The following FAN1 variants were observed in gnomAD, a reference collection of about 807,000 sequenced individuals.
The protein encoded by FAN1 is FANCD2 and FANCI associated nuclease 1.
In FAN1, 91 loss-of-function variants were observed where a neutral mutation model predicts 104.9. The ratio of observed to expected loss-of-function variants is 0.87; its 90% confidence interval spans 0.73 to 1.03. The LOEUF is 1.03. Among genes scored for constraint, FAN1 ranks in the 50% least tolerant of loss-of-function variants. The probability of loss-of-function intolerance (pLI) is 0.00; values close to 1 mark genes in which losing one functional copy is unlikely to be tolerated. For missense variants in FAN1, 1,263 were observed against 1,239.9 expected (o/e 1.02, Z -0.28); for synonymous variants, 478 against 457.6 (o/e 1.04, Z -0.57).
At chr15:30,921,514 T>A (rs978264984) in intron 7 of FAN1, among the ~76,000 whole-genome samples, 15 of 152,098 alleles carry the variant, frequency 9.9e-5, no homozygotes, top group African/African-American at 7.2e-5. Flanking sequence ...TGGTCAAAAA[T>A]ATATATATAC....
intron 2 of FAN1, 43 bp from the exon 3 acceptor site, chr15:30,908,075 G>A: frequency 6.4e-7 from 1 of 1,550,668 alleles, no homozygotes; most frequent in Non-Finnish European, 8.7e-7. Flanking sequence ...GGTTTAAAAG[G>A]TAAATGCAGT....
At chr15:30,932,716 CTTT>C (rs60673122) in intron 13 of FAN1, among the ~76,000 whole-genome samples, 7 of 134,372 alleles carry the variant, frequency 5.2e-5, no homozygotes, top group Admixed American at 4.6e-4. Context: ...TGTTTCTTTT[CTTT>C]TTTTTTTTTT....
chr15:30,916,333 CAT>C (rs887910157), intron 5 of FAN1, among the ~76,000 whole-genome samples: 27 of 152,248 alleles, frequency 1.8e-4, no homozygotes, highest in East Asian at 5.8e-4. Context: ...TTCTTACAGA[CAT>C]GTGTGGGGTG....
rs756429083 is a variant in FAN1 at position 30,925,811 on chromosome 15, G to T, written c.2360G>T (p.Cys787Phe). 6.2e-7 allele frequency: 1 copy of T among 1,614,166 alleles called. No homozygotes were observed. The highest frequency in any genetic ancestry group is 8.5e-7 in the Non-Finnish European group (1 of 1,180,030). ...CAGGTGACCATCACAGGCAGGCTGTGCCCACAGCGTGGGATGTGCAAGTCT... is the reference window on the plus strand; with the variant it reads ...CAGGTGACCATCACAGGCAGGCTGTTCCCACAGCGTGGGATGTGCAAGTCT... ...VKHVTITGRL[C>F]PQRGMCKSVF... The change falls in exon 10 of 15, where the codon TGC becomes TTC. Residue 787 changes from cysteine to phenylalanine, a missense_variant. Around this residue, in one of 2 missense-constraint regions of FAN1, gnomAD observed 581 missense variants for 668.8 expected, o/e 0.87. Transcript: ENST00000362065.
intron 14 of FAN1, among the ~76,000 whole-genome samples, 157 bp downstream of exon 14, chr15:30,937,416 C>CA (rs2062887396): frequency 6.6e-6 from 1 of 150,698 alleles, no homozygotes; most frequent in Non-Finnish European, 1.5e-5. Context: ...TGCTTGAATA[C>CA]ACTCATTGAT....
chr15:30,925,199 C>T lies in FAN1; in HGVS notation c.2245C>T (p.Arg749Ter), dbSNP rs387907279. 78 of 1,614,000 alleles carry T rather than the reference C, an allele frequency of 4.8e-5. No individual in the cohort carries two copies. The highest frequency in any genetic ancestry group is 5.9e-5 in the Non-Finnish European group (70 of 1,179,998). The change falls in exon 9 of 15, where the codon CGA becomes TGA. Residue 749 changes from arginine to a stop codon, truncating the protein, a stop_gained. Coordinates refer to ENST00000362065, the MANE Select transcript of FAN1 (RefSeq NM_014967.5). LOFTEE classifies it high-confidence loss of function. The stretch of plus-strand genomic sequence containing the variant: ...GGGACACCGCCTTTCACTGTATCAG[C>T]GAGCCGTGCGCCTGCGAGAGTCTCC... ...RTGHRLSLYQ[R>*]AVRLRESPSC...
intron 14 of FAN1, chr15:30,940,167 G>A (rs2062990875): frequency 1.0e-6 from 1 of 985,444 alleles, no homozygotes; most frequent in Non-Finnish European, 1.2e-6. Flanking sequence ...CATGTTTTAA[G>A]CGGGGAATGA....
rs572533703 is a variant in FAN1, at chr15:30,937,139, C to T, written c.2937C>T (p.Pro979=). Residue 979 remains proline, a synonymous_variant, in exon 14 of 15, where the codon CCC becomes CCT. Transcript: ENST00000362065. ...RHFKLVEVKG[P]NDRLSHKQMI... is the part of the protein sequence containing the mutation. ...TCCAGCTGGTGGAAGTTAAAGGCCCCAATGATCGTCTTTCACATAAGCAGA... is the reference window on the plus strand; with the variant it reads ...TCCAGCTGGTGGAAGTTAAAGGCCCTAATGATCGTCTTTCACATAAGCAGA... 6.2e-6 allele frequency: 10 copies of T among 1,613,170 alleles called. No individual in the cohort carries two copies. In the East Asian group the frequency reaches 1.6e-4, roughly 25 times the overall value.
chr15:30,929,934 T>TA lies in FAN1; in HGVS notation c.2787+541dup, dbSNP rs1371741305. On this transcript the variant is annotated intron_variant, in intron 12 of 14. Coordinates refer to ENST00000362065, the MANE Select transcript of FAN1 (RefSeq NM_014967.5). ...TATAATATATATCATATATAATATA[T>TA]AAAATATATAATATAATATATATCA... Among the ~76,000 whole-genome samples, 2 of 116,882 alleles carry TA rather than the reference T, an allele frequency of 1.7e-5. 1 individual carries two copies. Among genetic ancestry groups the TA allele is most frequent in the African/African-American group, 7.2e-5 (2 of 27,796 alleles). 76.7% of individuals were successfully genotyped at this position (116,882 alleles called of 152,430 possible).
At chr15:30,932,005 G>A (rs952952000) in intron 13 of FAN1, among the ~76,000 whole-genome samples, 1 of 151,028 alleles carries the variant, frequency 6.6e-6, no homozygotes, top group Admixed American at 6.6e-5. Flanking sequence ...GGCGGATCAC[G>A]AGGTCAGGAG....
At position 30,910,729 on chromosome 15, in the gene FAN1, G is replaced by C. The variant is rs1340187463; in HGVS notation, c.1491G>C (p.Val497=). ...VNPNGQKQQL[V]DAFLKLAKQR... is the part of the protein sequence containing the mutation. ...CCAATGGACAGAAACAGCAGCTGGTGGACGCCTTTCTCAAATTGGCCAAAC... is the reference window on the plus strand; with the variant it reads ...CCAATGGACAGAAACAGCAGCTGGTCGACGCCTTTCTCAAATTGGCCAAAC... The change falls in exon 4 of 15, where the codon GTG becomes GTC. Residue 497 remains valine (V), a synonymous_variant. Coordinates refer to ENST00000362065, the MANE Select transcript of FAN1 (RefSeq NM_014967.5). 1.2e-6 allele frequency: 2 copies of C among 1,614,042 alleles called. No individual in the cohort carries two copies. The highest frequency in any genetic ancestry group is 3.3e-5 in the Admixed American group (2 of 60,010).
intron 12 of FAN1, among the ~76,000 whole-genome samples, chr15:30,929,695 A>C (rs1397192775): frequency 9.9e-6 from 1 of 101,100 alleles, no homozygotes; most frequent in Non-Finnish European, 1.9e-5. Context: ...TATATATAAA[A>C]TATATATTAT....
rs2063074462 is a variant in FAN1, at chr15:30,942,095, T to C, written c.*533T>C. The C allele has an allele frequency of 1.3e-6, 2 of 1,586,646 alleles. No individual in the cohort carries two copies. Among genetic ancestry groups the C allele is most frequent in the Non-Finnish European group, 1.7e-6 (2 of 1,165,404 alleles). The stretch of plus-strand genomic sequence containing the variant: ...TTTCTATACAGAAGAGATTTTATTA[T>C]GTTCCGGGGATTCCCTTTTTAGAAA... On this transcript the variant is annotated 3_prime_UTR_variant, in exon 15 of 15. Coordinates refer to ENST00000362065, the MANE Select transcript of FAN1 (RefSeq NM_014967.5).
rs2062532978 is a variant in FAN1 at position 30,928,652 on chromosome 15, G to C, written c.2588G>C (p.Cys863Ser). 3 of 1,613,986 alleles carry C rather than the reference G, an allele frequency of 1.9e-6. No individual in the cohort carries two copies. Among genetic ancestry groups the C allele is most frequent in the Middle Eastern group, 1.7e-4 (1 of 6,038 alleles). The change falls in exon 11 of 15, where the codon TGT becomes TCT. Residue 863 changes from cysteine (C) to serine (S), a missense_variant. By Grantham distance (112) the Cys-to-Ser change is moderately radical. Around this residue, in one of 2 missense-constraint regions of FAN1, gnomAD observed 581 missense variants for 668.8 expected, o/e 0.87. Coordinates refer to ENST00000362065, the MANE Select transcript of FAN1 (RefSeq NM_014967.5). ...DGIPDVFRNA[C>S]QAFPLDLCTD... Reference sequence around the variant, plus strand: ...ATTCCGGATGTCTTCAGAAACGCCTGTCAGGTACTCCAGTGCCCCTGCCCC... The same window carrying C: ...ATTCCGGATGTCTTCAGAAACGCCTCTCAGGTACTCCAGTGCCCCTGCCCC...
At chr15:30,913,830 AG>A in intron 4 of FAN1, 27 bp from the exon 5 acceptor site, 5 of 1,449,462 alleles carry the variant, frequency 3.4e-6, no homozygotes, top group Non-Finnish European at 4.7e-6. Context: ...AAAAGCTAAA[AG>A]TTATTTCTAC....
intron 13 of FAN1, among the ~76,000 whole-genome samples, chr15:30,934,059 C>T (rs1212122687): frequency 1.3e-5 from 2 of 152,092 alleles, no homozygotes; most frequent in African/African-American, 2.4e-5. Context: ...TTTCTTCTTG[C>T]GTTTCTATCA....
chr15:30,940,518 A>ATAGTT (rs1263603122), intron 14 of FAN1: 1 of 985,350 alleles, frequency 1.0e-6, no homozygotes. Context: ...AGTGCCAGCA[A>ATAGTT]TAGTTTACCA....
At chr15:30,921,706 G>T (rs1036482364) in intron 7 of FAN1, among the ~76,000 whole-genome samples, 6 of 152,078 alleles carry the variant, frequency 3.9e-5, no homozygotes, top group Admixed American at 3.9e-4. Context: ...ATATTACAAA[G>T]ACATCCATGA....
At chr15:30,913,806 C>A in intron 4 of FAN1, 52 bp from the exon 5 acceptor site, 2 of 1,156,704 alleles carry the variant, frequency 1.7e-6, no homozygotes, top group Non-Finnish European at 1.3e-6. Context: ...TAAAATCTGA[C>A]ATCCAAATGC....
Sources: gnomAD v4.1 joint callset for allele counts (sites outside exome capture counted in the v4.1 genomes callset) on GRCh38, gnomAD v4.1.1 for gene constraint, gnomAD v4.1.1 regional missense constraint, MANE v1.5 for transcripts, NCBI Gene and HGNC (gene_info 2026-07-23, HGNC 2026-07-21) for gene names.